UBE2F: variants seen among roughly 807,000 people sequenced by gnomAD.
UBE2F encodes NEDD8-conjugating enzyme UBE2F.
In UBE2F, 5 loss-of-function variants were observed where a neutral mutation model predicts 29.6. That is an observed-to-expected ratio of 0.17 (90% CI 0.09 to 0.36). UBE2F has a LOEUF of 0.36. Among genes scored for constraint, UBE2F ranks in the 10% least tolerant of loss-of-function variants. The probability of loss-of-function intolerance (pLI) is 1.00; values close to 1 mark genes in which losing one functional copy is unlikely to be tolerated. For synonymous variants in UBE2F, 66 were observed against 81.8 expected (o/e 0.81, Z 1.04); for missense variants, 141 against 228.5 (o/e 0.62, Z 2.47).
chr2:237,988,869 C>T (rs1301173375), intron 3 of UBE2F, among the ~76,000 whole-genome samples: 1 of 152,186 alleles, frequency 6.6e-6, no homozygotes, highest in Non-Finnish European at 1.5e-5. Context: ...TTGCTGCTGT[C>T]AGTGGGAGTC....
At chr2:237,997,830 G>A (rs2063720656) in intron 4 of UBE2F, among the ~76,000 whole-genome samples, 1 of 152,206 alleles carries the variant, frequency 6.6e-6, no homozygotes, top group Non-Finnish European at 1.5e-5. Flanking sequence ...ATGTAATTTG[G>A]TGATGGGGAA....
intron 4 of UBE2F, among the ~76,000 whole-genome samples, chr2:238,011,998 C>T (rs531493721): frequency 6.6e-6 from 1 of 152,140 alleles, no homozygotes; most frequent in African/African-American, 2.4e-5. Context: ...CCCACCTCAG[C>T]CTCCTAAGTA....
intron 3 of UBE2F, chr2:237,990,577 T>C (rs2063567163): frequency 5.6e-6 from 1 of 177,060 alleles, no homozygotes; most frequent in Non-Finnish European, 1.2e-5. Context: ...GCCTAGCTAA[T>C]TTTTAAAAAT....
chr2:237,972,101 A>G (rs1363385536), intron 1 of UBE2F, among the ~76,000 whole-genome samples: 1 of 152,200 alleles, frequency 6.6e-6, no homozygotes, highest in Admixed American at 6.5e-5. Flanking sequence ...AATGAACATA[A>G]TCTACTTTGG....
At chr2:238,001,317 G>A (rs1576612364) in intron 4 of UBE2F, among the ~76,000 whole-genome samples, 1 of 152,248 alleles carries the variant, frequency 6.6e-6, no homozygotes, top group East Asian at 1.9e-4. Context: ...ACAGGCGTGA[G>A]CCACCACACC....
intron 2 of UBE2F, among the ~76,000 whole-genome samples, chr2:237,981,361 C>T (rs940724014): frequency 6.6e-6 from 1 of 151,834 alleles, no homozygotes; most frequent in Non-Finnish European, 1.5e-5. Context: ...GAGATGAGCA[C>T]TGTGGGAGTG....
At chr2:237,978,283 C>T (rs972339815) in intron 2 of UBE2F, among the ~76,000 whole-genome samples, 1 of 152,216 alleles carries the variant, frequency 6.6e-6, no homozygotes, top group Admixed American at 6.5e-5. Context: ...TGCTGCATCA[C>T]AGCGCCTGGC....
chr2:238,010,637 TG>T (rs2064002302), intron 4 of UBE2F, among the ~76,000 whole-genome samples: 1 of 152,170 alleles, frequency 6.6e-6, no homozygotes, highest in African/African-American at 2.4e-5. Flanking sequence ...CCCCTCAAAG[TG>T]GGGGAACCTC....
At position 237,982,752 on chromosome 2, in the gene UBE2F, C is replaced by G. The variant is rs2063404724; in HGVS notation, c.119-5211C>G. ...TAGGTAACCCTTATTTAAAAGTGAT[C>G]ATTATGAACAACTCATTTGCTCTTC... is the stretch of plus-strand genomic sequence containing the variant. On this transcript the variant is annotated intron_variant, in intron 2 of 9. Coordinates refer to ENST00000272930, the MANE Select transcript of UBE2F (RefSeq NM_080678.3). The surrounding 1 kb of genome is among the most constrained non-coding windows in gnomAD (Gnocchi z 4.1). Among the ~76,000 whole-genome samples the G allele has an allele frequency of 6.6e-6, 1 of 152,188 alleles. No individual in the cohort carries two copies. The highest frequency in any genetic ancestry group is 6.5e-5 in the Admixed American group (1 of 15,282).
At chr2:237,978,615 G>C (rs1275225522) in intron 2 of UBE2F, among the ~76,000 whole-genome samples, 2 of 152,220 alleles carry the variant, frequency 1.3e-5, no homozygotes, top group African/African-American at 4.8e-5. Flanking sequence ...AGCATCCTCA[G>C]TCCAGTTCTG....
chr2:238,015,001 G>A (rs1017319318), intron 4 of UBE2F, among the ~76,000 whole-genome samples: 1 of 152,158 alleles, frequency 6.6e-6, no homozygotes, highest in Non-Finnish European at 1.5e-5. Flanking sequence ...AATAATAAAC[G>A]CCGTTGGGGT....
chr2:237,980,393 C>A (rs1458070872), intron 2 of UBE2F, among the ~76,000 whole-genome samples: 1 of 152,228 alleles, frequency 6.6e-6, no homozygotes, highest in Admixed American at 6.5e-5. Context: ...CTCTTCCTGG[C>A]TTGCAGATGG....
chr2:238,007,095 A>G, intron 4 of UBE2F, among the ~76,000 whole-genome samples: 1 of 150,998 alleles, frequency 6.6e-6, no homozygotes, highest in East Asian at 2.0e-4. Context: ...TCAGTCTTTC[A>G]TCATTACGTG....
intron 5 of UBE2F, among the ~76,000 whole-genome samples, chr2:238,024,446 A>T (rs1277611267): frequency 1.3e-5 from 2 of 152,094 alleles, no homozygotes; most frequent in Non-Finnish European, 2.9e-5. Flanking sequence ...TCTGAGCTCA[A>T]GTGATTTTCC....
rs79567637 is a variant in UBE2F at position 238,030,383 on chromosome 2, C to A, written c.354-173C>A. On this transcript the variant is annotated intron_variant, in intron 6 of 9. Transcript: ENST00000272930. ...CGTTATAATTGAATATGTATATAAC[C>A]TTGGAGGTGGAAATGCCTTCCTCAG... is the stretch of plus-strand genomic sequence containing the variant. Among the ~76,000 whole-genome samples the A allele has an allele frequency of 4.7e-3, 720 of 151,878 alleles. 5 individuals carry two copies. The highest frequency in any genetic ancestry group is 0.016 in the African/African-American group (682 of 41,400).
In UBE2F at chr2:238,007,616, C is replaced by A. The variant is rs141825899; in HGVS notation, c.215-8950C>A. Among the ~76,000 whole-genome samples the A allele has an allele frequency of 9.1e-4, 139 of 152,132 alleles. 1 individual carries two copies. The highest frequency in any genetic ancestry group is 3.3e-3 in the African/African-American group (137 of 41,474). ...AATTTGCCAAATGCTTTTTCTGCAT[C>A]TACTGAGGTGATCATAATGGTTTTT... On this transcript the variant is annotated intron_variant, in intron 4 of 9. Transcript: ENST00000272930.
intron 4 of UBE2F, among the ~76,000 whole-genome samples, chr2:238,006,419 C>G (rs2063908415): frequency 6.6e-6 from 1 of 152,218 alleles, no homozygotes; most frequent in African/African-American, 2.4e-5. Context: ...CAATTGTCAT[C>G]TTAATTATCA....
intron 9 of UBE2F, among the ~76,000 whole-genome samples, chr2:238,038,669 G>A (rs2064773293): frequency 6.6e-6 from 1 of 152,184 alleles, no homozygotes; most frequent in Non-Finnish European, 1.5e-5. Flanking sequence ...CTTTGCAACT[G>A]GTACACTTTT....
intron 5 of UBE2F, among the ~76,000 whole-genome samples, chr2:238,020,281 C>T (rs940486776): frequency 6.6e-6 from 1 of 152,192 alleles, no homozygotes; most frequent in Non-Finnish European, 1.5e-5. Flanking sequence ...GTGGTTGCCC[C>T]TCTCTCTGCC....
Sources: allele counts gnomAD v4.1 joint callset (sites outside exome capture counted in the v4.1 genomes callset), GRCh38; gene constraint gnomAD v4.1.1; non-coding constraint Gnocchi (gnomAD v3.1); transcripts MANE v1.5; gene names NCBI Gene and HGNC (gene_info 2026-07-23, HGNC 2026-07-21).